The following ASTN2 variants were observed in gnomAD, a reference collection of about 807,000 sequenced individuals.
ASTN2 encodes the protein astrotactin-2.
ASTN2 carries 54 observed loss-of-function variants against 139.8 expected under a neutral mutation model. That is an observed-to-expected ratio of 0.39 (90% CI 0.31 to 0.48). The LOEUF (loss-of-function observed/expected upper bound fraction) is 0.48. Among genes scored for constraint, ASTN2 ranks in the 20% least tolerant of loss-of-function variants. The probability of loss-of-function intolerance (pLI) is 0.95; values close to 1 mark genes in which losing one functional copy is unlikely to be tolerated. For missense variants in ASTN2, 1,565 were observed against 1,725.1 expected (o/e 0.91, Z 1.64); for synonymous variants, 756 against 719.5 (o/e 1.05, Z -0.81).
chr9:116,563,226 T>A (rs1485709513), intron 19 of ASTN2, among the ~76,000 whole-genome samples: 1 of 151,326 alleles, frequency 6.6e-6, no homozygotes, highest in Non-Finnish European at 1.5e-5. Context: ...ATACAAAAAA[T>A]TAGCCGGGTG....
At chr9:116,777,111 T>C (rs776953983) in intron 13 of ASTN2, among the ~76,000 whole-genome samples, 15 of 152,294 alleles carry the variant, frequency 9.8e-5, no homozygotes, top group Admixed American at 5.9e-4. Context: ...TTACCAAATC[T>C]GGTTGGACAA....
chr9:117,074,784 T>C lies in ASTN2; in HGVS notation c.1276+21260A>G, dbSNP rs189656993. Reference sequence around the variant, plus strand: ...TATCTATATATTATGTAAATACACATACATATGTATATGCATGCATGTGTA... The same window carrying C: ...TATCTATATATTATGTAAATACACACACATATGTATATGCATGCATGTGTA... On this transcript the variant is annotated intron_variant, in intron 5 of 22. Transcript: ENST00000313400. Among the ~76,000 whole-genome samples, 12 of 152,330 alleles carry C rather than the reference T, an allele frequency of 7.9e-5. No homozygotes were observed. In the East Asian group the frequency reaches 2.3e-3, roughly 29 times the overall value.
At chr9:116,938,471 C>T (rs1325062163) in intron 10 of ASTN2, among the ~76,000 whole-genome samples, 1 of 152,176 alleles carries the variant, frequency 6.6e-6, no homozygotes, top group Non-Finnish European at 1.5e-5. Flanking sequence ...ACTGACATTA[C>T]CTCCCCAGGG....
intron 1 of ASTN2, among the ~76,000 whole-genome samples, chr9:117,332,166 T>C (rs967694038): frequency 1.3e-5 from 2 of 152,224 alleles, no homozygotes; most frequent in East Asian, 1.9e-4. Flanking sequence ...AAACCTACTT[T>C]GCTTCATAAT....
At chr9:116,702,778 G>A (rs1418585549) in intron 16 of ASTN2, among the ~76,000 whole-genome samples, 1 of 152,026 alleles carries the variant, frequency 6.6e-6, no homozygotes, top group Non-Finnish European at 1.5e-5. Context: ...ATTCTGAGTG[G>A]TTACATAGAA....
rs537024493 is a variant in ASTN2 at position 116,827,266 on chromosome 9, G to A, written c.2041-6483C>T. Among the ~76,000 whole-genome samples, 23 of 143,632 alleles carry A rather than the reference G, an allele frequency of 1.6e-4. No homozygotes were observed. The South Asian group carries it at 3.3e-3, about 21-fold the overall frequency. 94.2% of individuals were successfully genotyped at this position (143,632 alleles called of 152,430 possible). On this transcript the variant is annotated intron_variant, in intron 11 of 22. Transcript: ENST00000313400. ...GGAGGTTGCAATGAGCCAGGATTGC[G>A]CCACTGCACTCCAGCCTGGGCAACA... is the stretch of plus-strand genomic sequence containing the variant.
At chr9:116,742,103 G>A (rs552474143) in intron 13 of ASTN2, among the ~76,000 whole-genome samples, 3 of 152,322 alleles carry the variant, frequency 2.0e-5, no homozygotes, top group Admixed American at 1.3e-4. Flanking sequence ...ATGTGTGCAA[G>A]GTAAATCATT....
intron 13 of ASTN2, among the ~76,000 whole-genome samples, chr9:116,763,352 T>C (rs565288607): frequency 2.4e-3 from 361 of 152,300 alleles, no homozygotes; most frequent in African/African-American, 8.4e-3. Context: ...ACTCATTTTC[T>C]CCTTTCCTTT....
intron 2 of ASTN2, among the ~76,000 whole-genome samples, chr9:117,227,657 G>A (rs1832758233): frequency 6.6e-6 from 1 of 152,344 alleles, no homozygotes; most frequent in South Asian, 2.1e-4. Context: ...AAACATTGCT[G>A]TTAGTTCCCT....
At position 117,414,130 on chromosome 9, in the gene ASTN2, C is replaced by G. The variant is rs1427277329; in HGVS notation, c.442+367G>C. Among the ~76,000 whole-genome samples the G allele has an allele frequency of 6.6e-6, 1 of 152,054 alleles. No homozygotes were observed. The highest frequency in any genetic ancestry group is 1.5e-5 in the Non-Finnish European group (1 of 67,996). On this transcript the variant is annotated intron_variant, in intron 1 of 22. Transcript: ENST00000313400. The surrounding 1 kb of genome is among the most constrained non-coding windows in gnomAD (Gnocchi z 4.2). ...TGACGGTACCCGGAGAAGTGGGAGG[C>G]TCGACCTGAAACTGGCTTAGGATCT...
At chr9:117,167,564 G>A (rs1423321976) in intron 3 of ASTN2, among the ~76,000 whole-genome samples, 1 of 152,052 alleles carries the variant, frequency 6.6e-6, no homozygotes, top group Non-Finnish European at 1.5e-5. Flanking sequence ...ATAACTTTCT[G>A]GGAGTTGGAA....
intron 19 of ASTN2, among the ~76,000 whole-genome samples, chr9:116,597,307 T>TTTTTTTTTTG (rs1854636174): frequency 7.2e-6 from 1 of 139,772 alleles, no homozygotes; most frequent in African/African-American, 2.6e-5. Context: ...CTATTTTTTT[T>TTTTTTTTTTG]TTTTTTTTTT....
intron 2 of ASTN2, among the ~76,000 whole-genome samples, chr9:117,226,120 C>A (rs1051006747): frequency 6.6e-6 from 1 of 152,198 alleles, no homozygotes; most frequent in African/African-American, 2.4e-5. Flanking sequence ...AAAGATTTTT[C>A]TTGCAATTCC....
intron 1 of ASTN2, among the ~76,000 whole-genome samples, chr9:117,312,331 T>C (rs1047227112): frequency 2.6e-5 from 4 of 152,084 alleles, no homozygotes; most frequent in African/African-American, 9.7e-5. Context: ...TTTCAGTTTT[T>C]TGTTAACCAC....
chr9:117,300,589 T>C (rs1834850944), intron 1 of ASTN2, among the ~76,000 whole-genome samples: 1 of 152,204 alleles, frequency 6.6e-6, no homozygotes. Context: ...ATGCTCCTCA[T>C]TTATCAGGAG....
At chr9:116,565,395 A>T (rs1411593862) in intron 19 of ASTN2, among the ~76,000 whole-genome samples, 3 of 45,008 alleles carry the variant, frequency 6.7e-5, no homozygotes, top group Admixed American at 3.1e-4. Context: ...CTCCATATAT[A>T]TATATATATA....
intron 1 of ASTN2, among the ~76,000 whole-genome samples, chr9:117,368,188 G>C (rs17320818): frequency 0.065 from 9,834 of 152,074 alleles, 390 homozygotes; most frequent in Middle Eastern, 0.089. Flanking sequence ...CCCTTGAAAA[G>C]GCACAGCAAC....
At chr9:116,436,093 C>T (rs757175192) in intron 22 of ASTN2, among the ~76,000 whole-genome samples, 2 of 152,318 alleles carry the variant, frequency 1.3e-5, no homozygotes, top group Non-Finnish European at 1.5e-5. Context: ...CATCTTCACT[C>T]TGTATTTTTA....
At chr9:116,924,662 T>C (rs570546529) in intron 10 of ASTN2, among the ~76,000 whole-genome samples, 3 of 152,256 alleles carry the variant, frequency 2.0e-5, no homozygotes, top group Non-Finnish European at 4.4e-5. Flanking sequence ...TAAACAGTCA[T>C]GGTGCTGGTG....
Sources: gnomAD v4.1 joint callset for allele counts (sites outside exome capture counted in the v4.1 genomes callset) on GRCh38, gnomAD v4.1.1 for gene constraint, Gnocchi (gnomAD v3.1) non-coding constraint, MANE v1.5 for transcripts, NCBI Gene and HGNC (gene_info 2026-07-23, HGNC 2026-07-21) for gene names.